TBC1D30: variants seen among roughly 807,000 people sequenced by gnomAD.
The protein encoded by TBC1D30 is TBC1 domain family member 30.
TBC1D30 carries 31 observed loss-of-function variants against 63.2 expected under a neutral mutation model. That is an observed-to-expected ratio of 0.49 (90% CI 0.37 to 0.66). TBC1D30 has a LOEUF of 0.66. Among genes scored for constraint, TBC1D30 ranks in the 30% least tolerant of loss-of-function variants. The pLI is 0.00. For synonymous variants in TBC1D30, 307 were observed against 361.5 expected, an observed-to-expected ratio of 0.85 and a Z score of 1.71; for missense variants, 810 against 953.6, an observed-to-expected ratio of 0.85 and a Z score of 1.98.
chr12:64,827,731 A>T lies in TBC1D30; in HGVS notation c.155-104A>T. ...AAATTTAGTAAAGATACATACTTTA[A>T]AAAAAATTGTGATGATTCAGTAGAA... is the stretch of plus-strand genomic sequence containing the variant. On this transcript the variant is annotated intron_variant, in intron 1 of 11. Transcript: ENST00000539867. 1.2e-5 allele frequency: 10 copies of T among 848,902 alleles called. No homozygotes were observed. The South Asian group carries it at 1.8e-4, about 15-fold the overall frequency. The allele number at this position is 848,902 out of a possible 1,614,324, so 52.6% of individuals were successfully genotyped here.
chr12:64,861,880 G>A (rs1036797930), intron 8 of TBC1D30, among the ~76,000 whole-genome samples: 1 of 152,098 alleles, frequency 6.6e-6, no homozygotes, highest in East Asian at 1.9e-4. Flanking sequence ...CACCCACTCT[G>A]TTCACTTTTT....
chr12:64,864,408 C>T (rs1878042484), intron 8 of TBC1D30, among the ~76,000 whole-genome samples: 1 of 152,164 alleles, frequency 6.6e-6, no homozygotes, highest in Non-Finnish European at 1.5e-5. Flanking sequence ...TCAGACTGCC[C>T]GTGATTGCCC....
At chr12:64,862,528 C>T (rs1196088676) in intron 8 of TBC1D30, among the ~76,000 whole-genome samples, 1 of 152,130 alleles carries the variant, frequency 6.6e-6, no homozygotes, top group Admixed American at 6.6e-5. Flanking sequence ...TGGGGCAGGG[C>T]AGGGTGCAGT....
At position 64,824,723 on chromosome 12, in the gene TBC1D30, C is replaced by A; in HGVS notation, c.-157C>A. ...GGCTCCCGCGGTGCCCCGTAAGTCC[C>A]CGTGACCCTCCAGCACCAGCCGGCT... On this transcript the variant is annotated 5_prime_UTR_variant, in exon 1 of 12. Coordinates refer to ENST00000539867, the MANE Select transcript of TBC1D30 (RefSeq NM_015279.2). 1 of 1,066,776 alleles carries A rather than the reference C, an allele frequency of 9.4e-7. No individual in the cohort carries two copies. The highest frequency in any genetic ancestry group is 1.3e-6 in the Non-Finnish European group (1 of 775,208). 66.1% of individuals were successfully genotyped at this position (1,066,776 alleles called of 1,614,324 possible). A position where few individuals can be genotyped will look rare whatever the true frequency, so the allele number is the denominator to read the frequency against.
intron 2 of TBC1D30, among the ~76,000 whole-genome samples, chr12:64,797,870 C>T (rs765116589): frequency 6.6e-5 from 10 of 152,160 alleles, no homozygotes; most frequent in African/African-American, 9.7e-5. Context: ...TTCTTCTTGT[C>T]TCTCTTCCTT....
At chr12:64,807,536 G>A (rs1483167101) in intron 2 of TBC1D30, among the ~76,000 whole-genome samples, 1 of 152,050 alleles carries the variant, frequency 6.6e-6, no homozygotes, top group African/African-American at 2.4e-5. Context: ...GGTAAACTTT[G>A]TATATATTTT....
intron 1 of TBC1D30, among the ~76,000 whole-genome samples, chr12:64,765,530 A>G (rs1870680912): frequency 6.8e-6 from 1 of 147,120 alleles, no homozygotes; most frequent in African/African-American, 2.5e-5. Flanking sequence ...ATTACTATAT[A>G]GGCTCCCAAA....
At chr12:64,791,922 A>G (rs1871949719) in intron 2 of TBC1D30, among the ~76,000 whole-genome samples, 1 of 152,134 alleles carries the variant, frequency 6.6e-6, no homozygotes, top group South Asian at 2.1e-4. Flanking sequence ...AGCTTTTAAA[A>G]TAACTACAGG....
chr12:64,835,182 C>A (rs138374950), intron 5 of TBC1D30, among the ~76,000 whole-genome samples: 140 of 152,236 alleles, frequency 9.2e-4, no homozygotes, highest in South Asian at 3.9e-3. Context: ...GATGATGTTA[C>A]GTGTACCTGG....
chr12:64,815,240 C>T (rs1237766645), intron 2 of TBC1D30, among the ~76,000 whole-genome samples: 1 of 152,170 alleles, frequency 6.6e-6, no homozygotes, highest in Non-Finnish European at 1.5e-5. Context: ...ATTCTCTTTA[C>T]ACAGGTCTTA....
chr12:64,800,945 A>T (rs1217931935), intron 2 of TBC1D30, among the ~76,000 whole-genome samples: 1 of 152,178 alleles, frequency 6.6e-6, no homozygotes, highest in African/African-American at 2.4e-5. Context: ...CTCAGCAAGG[A>T]TATTAGAGTC....
chr12:64,765,532 G>A (rs1030490788), intron 1 of TBC1D30, among the ~76,000 whole-genome samples: 5 of 133,730 alleles, frequency 3.7e-5, no homozygotes, highest in African/African-American at 1.4e-4. Context: ...TACTATATAG[G>A]CTCCCAAACA....
At chr12:64,841,961 C>A (rs1375808371) in intron 7 of TBC1D30, among the ~76,000 whole-genome samples, 1 of 152,172 alleles carries the variant, frequency 6.6e-6, no homozygotes, top group African/African-American at 2.4e-5. Context: ...TTTTGGATGG[C>A]TTTACAGAAA....
chr12:64,839,922 G>A (rs1437644585), intron 7 of TBC1D30, among the ~76,000 whole-genome samples: 1 of 146,930 alleles, frequency 6.8e-6, no homozygotes, highest in Non-Finnish European at 1.5e-5. Flanking sequence ...GGAGAATGGC[G>A]TGAACCCAGG....
intron 2 of TBC1D30, among the ~76,000 whole-genome samples, chr12:64,817,552 C>A (rs1218868855): frequency 6.6e-6 from 1 of 152,200 alleles, no homozygotes; most frequent in African/African-American, 2.4e-5. Flanking sequence ...TGAATGAACT[C>A]AACCTGGAGA....
intron 8 of TBC1D30, among the ~76,000 whole-genome samples, chr12:64,857,470 CAA>C (rs1175434242): frequency 6.6e-6 from 1 of 152,218 alleles, no homozygotes; most frequent in African/African-American, 2.4e-5. Flanking sequence ...AGATGCAAGA[CAA>C]AGTCCTCTTT....
At chr12:64,817,227 C>T (rs764315484) in intron 2 of TBC1D30, among the ~76,000 whole-genome samples, 14 of 152,272 alleles carry the variant, frequency 9.2e-5, no homozygotes, top group Admixed American at 2.0e-4. Flanking sequence ...CTGCTCACAG[C>T]GCCATTTTAG....
intron 10 of TBC1D30, chr12:64,868,102 CT>C: frequency 1.8e-5 from 3 of 169,850 alleles, no homozygotes; most frequent in South Asian, 3.1e-4. Flanking sequence ...TCTTTGAAGC[CT>C]TTTCCAACAG....
At position 64,824,828 on chromosome 12, in the gene TBC1D30, T is replaced by C; in HGVS notation, c.-52T>C. On this transcript the variant is annotated 5_prime_UTR_variant, in exon 1 of 12. Transcript: ENST00000539867. The stretch of plus-strand genomic sequence containing the variant: ...GAGCTCAGCCGCTCAGCGAGTGGGG[T>C]AGCGGGGACCGAGACGGACGGTAGC... 2 of 1,518,104 alleles carry C rather than the reference T, an allele frequency of 1.3e-6. No homozygotes were observed. Among genetic ancestry groups the C allele is most frequent in the East Asian group, 2.5e-5 (1 of 40,604 alleles). 94.0% of individuals were successfully genotyped at this position (1,518,104 alleles called of 1,614,324 possible).
Sources: gnomAD v4.1 joint callset for allele counts (sites outside exome capture counted in the v4.1 genomes callset) on GRCh38, gnomAD v4.1.1 for gene constraint, MANE v1.5 for transcripts, NCBI Gene and HGNC (gene_info 2026-07-23, HGNC 2026-07-21) for gene names.